Variants in RAI2 observed in about 807,000 individuals in gnomAD.
The protein encoded by RAI2 is retinoic acid-induced protein 2.
Under a neutral mutation model 15.3 loss-of-function variants are expected in RAI2, and 5 were observed. The observed-to-expected ratio is 0.33, with a 90% confidence interval of 0.17 to 0.69. The LOEUF (loss-of-function observed/expected upper bound fraction) is 0.69. RAI2 is among the 30% of genes least tolerant of loss of function. The probability of loss-of-function intolerance (pLI) is 0.69; values close to 1 mark genes in which losing one functional copy is unlikely to be tolerated. For missense variants in RAI2, 424 were observed against 424.7 expected, an observed-to-expected ratio of 1.00 and a Z score of 0.01; for synonymous variants, 191 against 184.0, an observed-to-expected ratio of 1.04 and a Z score of -0.31.
chrX:17,802,581 TCTGTCTCC>T (rs751567161), intron 1 of RAI2, among the ~76,000 whole-genome samples: 1 of 112,202 alleles, frequency 8.9e-6, no homozygotes, highest in Admixed American at 9.4e-5. Context: ...CAGTTGTCTC[TCTGTCTCC>T]CTCTGACCAA....
chrX:17,815,419 C>T (rs2067096733), intron 1 of RAI2, among the ~76,000 whole-genome samples: 2 of 110,633 alleles, frequency 1.8e-5, no homozygotes, highest in South Asian at 3.9e-4. Flanking sequence ...CAAGGGGGAT[C>T]CTTAAATCAG....
intron 1 of RAI2, among the ~76,000 whole-genome samples, chrX:17,829,601 T>A (rs1309136018): frequency 8.9e-6 from 1 of 112,418 alleles, no homozygotes; most frequent in Admixed American, 9.4e-5. Context: ...TCTTCCAAAA[T>A]CCTTAACCAA....
chrX:17,852,637 T>C (rs773760189), intron 1 of RAI2, among the ~76,000 whole-genome samples: 1 of 112,142 alleles, frequency 8.9e-6, no homozygotes, highest in African/African-American at 3.2e-5. Flanking sequence ...GTGTAAGGCA[T>C]GACCCTCCTT....
intron 1 of RAI2, among the ~76,000 whole-genome samples, chrX:17,804,785 C>G (rs751397398): frequency 9.8e-5 from 11 of 112,644 alleles, no homozygotes; most frequent in Non-Finnish European, 1.9e-4. Flanking sequence ...TGGATGCCTC[C>G]TCCACCTGCT....
intron 1 of RAI2, among the ~76,000 whole-genome samples, chrX:17,856,954 C>T (rs1025310543): frequency 9.0e-6 from 1 of 111,553 alleles, no homozygotes; most frequent in African/African-American, 3.3e-5. Context: ...CAGCTTCTCA[C>T]CAGCTGCCAT....
At chrX:17,813,306 T>C (rs1412218105) in intron 1 of RAI2, among the ~76,000 whole-genome samples, 1 of 111,907 alleles carries the variant, frequency 8.9e-6, no homozygotes, top group Non-Finnish European at 1.9e-5. Context: ...CCCATCAAAA[T>C]TGGGTTTTCC....
At chrX:17,831,816 G>A (rs984108167) in intron 1 of RAI2, among the ~76,000 whole-genome samples, 2 of 112,264 alleles carry the variant, frequency 1.8e-5, no homozygotes, top group East Asian at 2.8e-4. Context: ...CCTCTTTGTT[G>A]ATAGCTGTTA....
At chrX:17,826,299 C>T (rs1300965316) in intron 1 of RAI2, among the ~76,000 whole-genome samples, 1 of 110,714 alleles carries the variant, frequency 9.0e-6, no homozygotes, top group East Asian at 2.8e-4. Context: ...CACCTCCATC[C>T]CAGTTTTCCT....
intron 1 of RAI2, among the ~76,000 whole-genome samples, chrX:17,823,190 T>C: frequency 9.0e-6 from 1 of 111,727 alleles, no homozygotes; most frequent in Non-Finnish European, 1.9e-5. Flanking sequence ...ACAGTGTATA[T>C]GCCGCAGGGT....
chrX:17,803,463 G>A (rs2066942663), intron 1 of RAI2, among the ~76,000 whole-genome samples: 1 of 110,317 alleles, frequency 9.1e-6, no homozygotes, highest in African/African-American at 3.3e-5. Flanking sequence ...CTCAGGAGGC[G>A]GAGGTTGCAG....
intron 1 of RAI2, among the ~76,000 whole-genome samples, chrX:17,825,092 A>G (rs1390487508): frequency 8.9e-6 from 1 of 112,678 alleles, no homozygotes; most frequent in Non-Finnish European, 1.9e-5. Context: ...TCCCTGGGCA[A>G]GACCACTTAT....
At chrX:17,821,768 G>A (rs1352272183) in intron 1 of RAI2, among the ~76,000 whole-genome samples, 1 of 111,531 alleles carries the variant, frequency 9.0e-6, no homozygotes, top group Non-Finnish European at 1.9e-5. Flanking sequence ...CCTAGGCCAC[G>A]CATCTAGGTA....
intron 1 of RAI2, among the ~76,000 whole-genome samples, chrX:17,843,011 C>G (rs2067416881): frequency 8.9e-6 from 1 of 111,821 alleles, no homozygotes; most frequent in South Asian, 3.7e-4. Context: ...AGAACTCACT[C>G]GCAGGAGTAG....
chrX:17,801,595 A>C lies in RAI2; in HGVS notation c.416T>G (p.Val139Gly), dbSNP rs767091327. 8.3e-7 allele frequency: 1 copy of C among 1,209,994 alleles called. No individual in the cohort carries two copies. The highest frequency in any genetic ancestry group is 1.1e-6 in the Non-Finnish European group (1 of 894,697). ...GGAGCATGGGGCCTCCTGCGGCAGGACCAGAGGGGAGTTGAGGTGCTGAAA... is the reference window on the plus strand; with the variant it reads ...GGAGCATGGGGCCTCCTGCGGCAGGCCCAGAGGGGAGTTGAGGTGCTGAAA... The part of the protein sequence containing the change: ...HVFQHLNSPL[V>G]LPQEAPCSSS... Residue 139 changes from valine (V) to glycine (G), a missense_variant, in exon 2 of 2, where the codon GTC becomes GGC. Val to Gly is a moderately radical substitution (Grantham distance 109). Transcript: ENST00000451717.
intron 1 of RAI2, among the ~76,000 whole-genome samples, chrX:17,812,159 T>C (rs758397748): frequency 1.1e-4 from 12 of 111,844 alleles, no homozygotes; most frequent in East Asian, 5.6e-4. Flanking sequence ...ATCATCATCA[T>C]TGTGCCATTG....
At chrX:17,854,917 C>T (rs746468747) in intron 1 of RAI2, among the ~76,000 whole-genome samples, 4 of 111,908 alleles carry the variant, frequency 3.6e-5, no homozygotes, top group Non-Finnish European at 5.7e-5. Context: ...GAGCCACAGG[C>T]GCCTGACCTG....
In RAI2 at chrX:17,801,994, G is replaced by A. The variant is rs2066919941; in HGVS notation, c.17C>T (p.Ser6Phe). MDDLQ[S>F]QNLSMDMTDS... is the part of the protein sequence containing the mutation. ...AGTCATGTCCATGGAGAGGTTCTGG[G>A]ACTGCAGGTCGTCCATCACTCAGCT... The change falls in exon 2 of 2, where the codon TCC becomes TTC. Residue 6 changes from serine to phenylalanine, a missense_variant. Coordinates refer to ENST00000451717, the MANE Select transcript of RAI2 (RefSeq NM_021785.6). 8.3e-7 allele frequency: 1 copy of A among 1,199,161 alleles called. No homozygotes were observed. Among genetic ancestry groups the A allele is most frequent in the Non-Finnish European group, 1.1e-6 (1 of 886,700 alleles).
At chrX:17,826,069 C>T (rs1446310601) in intron 1 of RAI2, among the ~76,000 whole-genome samples, 1 of 112,499 alleles carries the variant, frequency 8.9e-6, no homozygotes, top group Non-Finnish European at 1.9e-5. Flanking sequence ...TCTCATTGTA[C>T]TTTAAAATAA....
rs1466729569 is a variant in RAI2 at position 17,801,029 on chromosome X, T to C, written c.982A>G (p.Lys328Glu). ...ATTGGGGGACTGACTTCACCAGCCTTGAGCCAGGGCACTGACTTCATGGAG... is the reference window on the plus strand; with the variant it reads ...ATTGGGGGACTGACTTCACCAGCCTCGAGCCAGGGCACTGACTTCATGGAG... ...DLSMKSVPWL[K>E]AGEVSPPIFQ... Residue 328 changes from lysine (K) to glutamate (E), a missense_variant, in exon 2 of 2, where the codon AAG (lysine) becomes GAG (glutamate). Coordinates refer to ENST00000451717, the MANE Select transcript of RAI2 (RefSeq NM_021785.6). 3 of 1,211,647 alleles carry C rather than the reference T, an allele frequency of 2.5e-6. No individual in the cohort carries two copies. The highest frequency in any genetic ancestry group is 3.4e-6 in the Non-Finnish European group (3 of 895,437).
Sources: allele counts gnomAD v4.1 joint callset (sites outside exome capture counted in the v4.1 genomes callset), GRCh38; gene constraint gnomAD v4.1.1; transcripts MANE v1.5; gene names NCBI Gene and HGNC (gene_info 2026-07-23, HGNC 2026-07-21).